Variants in ARHGEF10L observed in about 807,000 individuals in gnomAD.
ARHGEF10L encodes the protein rho guanine nucleotide exchange factor 10-like protein.
In ARHGEF10L, 69 loss-of-function variants were observed where a neutral mutation model predicts 141.2. The observed-to-expected ratio is 0.49, with a 90% CI of 0.40 to 0.60. The LOEUF is 0.60. ARHGEF10L is among the 20% of genes least tolerant of loss of function. ARHGEF10L has a pLI of 0.00. For missense variants in ARHGEF10L, 1,482 were observed against 1,734.3 expected (o/e 0.85, Z 2.58); for synonymous variants, 711 against 718.5 (o/e 0.99, Z 0.17).
chr1:17,620,196 ACT>A (rs1258227893), intron 10 of ARHGEF10L, among the ~76,000 whole-genome samples: 1 of 129,414 alleles, frequency 7.7e-6, no homozygotes, highest in South Asian at 2.5e-4. Context: ...AGCGAGTGAG[ACT>A]CTGTCTCAAA....
In ARHGEF10L at chr1:17,630,831, A is replaced by G. The variant is rs139167959; in HGVS notation, c.1585-1490A>G. On this transcript the variant is annotated intron_variant, in intron 15 of 28. Coordinates refer to ENST00000361221, the MANE Select transcript of ARHGEF10L (RefSeq NM_018125.4). ...ACTTTTGGTTGTGTGCCGACTTGAG[A>G]GAGATGATGCTTTGGAGAACAACAG... 1.8e-3 allele frequency among the ~76,000 whole-genome samples: 272 copies of G among 152,314 alleles called. 1 individual carries two copies. The highest frequency in any genetic ancestry group is 0.016 in the East Asian group (83 of 5,190).
intron 27 of ARHGEF10L, among the ~76,000 whole-genome samples, chr1:17,693,210 A>G (rs113677519): frequency 1.2e-3 from 177 of 152,334 alleles, no homozygotes; most frequent in African/African-American, 4.0e-3. Context: ...AGTGCTCGGA[A>G]GCCACATGTG....
chr1:17,564,816 T>C (rs2077684226), intron 1 of ARHGEF10L, among the ~76,000 whole-genome samples: 1 of 152,132 alleles, frequency 6.6e-6, no homozygotes, highest in South Asian at 2.1e-4. Context: ...GTGTTCGGTG[T>C]CTGATGTTGA....
intron 28 of ARHGEF10L, among the ~76,000 whole-genome samples, chr1:17,696,264 G>A (rs1043955793): frequency 6.6e-6 from 1 of 151,188 alleles, no homozygotes; most frequent in African/African-American, 2.4e-5. Flanking sequence ...TATTTTCAAG[G>A]TTTCATCAAA....
chr1:17,588,882 G>GTGTC (rs1557758014), intron 4 of ARHGEF10L, among the ~76,000 whole-genome samples: 6 of 106,246 alleles, frequency 5.6e-5, no homozygotes, highest in South Asian at 3.4e-4. Flanking sequence ...GTGTGTGTGT[G>GTGTC]TGTGTGTGTG....
chr1:17,581,814 C>T (rs537744215), intron 2 of ARHGEF10L, among the ~76,000 whole-genome samples: 17 of 151,282 alleles, frequency 1.1e-4, no homozygotes, highest in African/African-American at 4.1e-4. Flanking sequence ...ACAGCGTGTG[C>T]CATGCCCTGC....
upstream of ARHGEF10L, among the ~76,000 whole-genome samples, chr1:17,539,116 C>T (rs2076627209): frequency 6.6e-6 from 1 of 152,182 alleles, no homozygotes; most frequent in Admixed American, 6.5e-5. This position sits in a 1 kb window ranked among gnomAD's most constrained non-coding sequence, Gnocchi z 6.0. Flanking sequence ...GGGGCTACAT[C>T]ACTGGGGTGT....
At chr1:17,597,921 G>A (rs1027231100) in intron 4 of ARHGEF10L, among the ~76,000 whole-genome samples, 6 of 152,100 alleles carry the variant, frequency 3.9e-5, no homozygotes, top group South Asian at 2.1e-4. Context: ...CCACCTCCAC[G>A]TCACCTTTAC....
intron 1 of ARHGEF10L, among the ~76,000 whole-genome samples, chr1:17,577,000 G>A (rs916638176): frequency 3.3e-5 from 5 of 152,198 alleles, no homozygotes; most frequent in Admixed American, 6.5e-5. Context: ...GACATGCCAT[G>A]CTTTTGTATT....
At chr1:17,592,022 C>G (rs1347931369) in intron 4 of ARHGEF10L, among the ~76,000 whole-genome samples, 1 of 152,236 alleles carries the variant, frequency 6.6e-6, no homozygotes, top group African/African-American at 2.4e-5. Flanking sequence ...AAGCTGTCTA[C>G]TGAGGCCCAC....
chr1:17,648,735 G>C, intron 22 of ARHGEF10L, 60 bp downstream of exon 22: 1 of 1,584,616 alleles, frequency 6.3e-7, no homozygotes, highest in Non-Finnish European at 8.6e-7. Flanking sequence ...CCCCTCGCCT[G>C]GGAGAACCAG....
intron 13 of ARHGEF10L, 95 bp downstream of exon 13, chr1:17,624,598 T>A (rs1377590316): frequency 5.0e-6 from 5 of 998,502 alleles, no homozygotes; most frequent in East Asian, 4.9e-5. Context: ...GGGTATGACA[T>A]CATAGCTTTG....
chr1:17,665,173 A>G (rs557346895), intron 26 of ARHGEF10L, among the ~76,000 whole-genome samples: 1 of 152,332 alleles, frequency 6.6e-6, no homozygotes, highest in East Asian at 1.9e-4. Flanking sequence ...GAGACTCAGC[A>G]TGGTTCCCCA....
the ARHGEF10L span, among the ~76,000 whole-genome samples, chr1:17,524,576 A>C: frequency 2.0e-5 from 3 of 152,162 alleles, no homozygotes; most frequent in Admixed American, 6.6e-5. Context: ...TGTCTCAAAG[A>C]AAATGTTATA....
chr1:17,654,529 A>T lies in ARHGEF10L; in HGVS notation c.2395-107A>T. 1 of 976,608 alleles carries T rather than the reference A, an allele frequency of 1.0e-6. No individual in the cohort carries two copies. 60.5% of individuals were successfully genotyped at this position (976,608 alleles called of 1,614,324 possible). A position where few individuals can be genotyped will look rare whatever the true frequency, so the allele number is the denominator to read the frequency against. On this transcript the variant is annotated intron_variant, in intron 22 of 28. Transcript: ENST00000361221. The surrounding 1 kb of genome is among the most constrained non-coding windows in gnomAD (Gnocchi z 4.3). ...TGTTGCTTTCCTGGCCCCCACCCAC[A>T]GGGATTCTAATCCAGGGAGAGTTGG... is the stretch of plus-strand genomic sequence containing the variant.
rs1284741020 is a variant in ARHGEF10L, at chr1:17,619,920, G to T, written c.942+475G>T. ...AATGGCTTCCTTGGCTGGGTGCGGTGGCTCATGCCTGTAACCCCAGCACTT... is the reference window on the plus strand; with the variant it reads ...AATGGCTTCCTTGGCTGGGTGCGGTTGCTCATGCCTGTAACCCCAGCACTT... On this transcript the variant is annotated intron_variant, in intron 10 of 28. Coordinates refer to ENST00000361221, the MANE Select transcript of ARHGEF10L (RefSeq NM_018125.4). The surrounding 1 kb of genome is among the most constrained non-coding windows in gnomAD (Gnocchi z 5.0). 6.6e-6 allele frequency among the ~76,000 whole-genome samples: 1 copy of T among 152,140 alleles called. No individual in the cohort carries two copies. Among genetic ancestry groups the T allele is most frequent in the Non-Finnish European group, 1.5e-5 (1 of 68,026 alleles).
At chr1:17,661,160 C>T (rs2062600532) in intron 25 of ARHGEF10L, among the ~76,000 whole-genome samples, 1 of 152,156 alleles carries the variant, frequency 6.6e-6, no homozygotes, top group East Asian at 1.9e-4. Context: ...CCACTGCAAC[C>T]TTGGCCTCCC....
At chr1:17,590,146 C>A (rs764547893) in intron 4 of ARHGEF10L, among the ~76,000 whole-genome samples, 7 of 152,120 alleles carry the variant, frequency 4.6e-5, no homozygotes, top group Non-Finnish European at 1.0e-4. Flanking sequence ...AGACCAAGGC[C>A]CCTCTGACAC....
chr1:17,663,123 G>A (rs1226598512), intron 25 of ARHGEF10L, among the ~76,000 whole-genome samples: 2 of 152,180 alleles, frequency 1.3e-5, no homozygotes, highest in African/African-American at 4.8e-5. Context: ...ATCTTGGCGC[G>A]CGCCGCTTGG....
Sources: allele counts gnomAD v4.1 joint callset (sites outside exome capture counted in the v4.1 genomes callset), GRCh38; gene constraint gnomAD v4.1.1; non-coding constraint Gnocchi (gnomAD v3.1); transcripts MANE v1.5; gene names NCBI Gene and HGNC (gene_info 2026-07-23, HGNC 2026-07-21).